COTL1: variants seen among roughly 807,000 people sequenced by gnomAD.
COTL1 encodes coactosin like F-actin binding protein 1.
Under a neutral mutation model 16.5 loss-of-function variants are expected in COTL1, and 15 were observed. The observed-to-expected ratio is 0.91, with a 90% CI of 0.61 to 1.40. The LOEUF (loss-of-function observed/expected upper bound fraction) is 1.40. COTL1 is among the 40% of genes most tolerant of loss of function. The pLI is 0.00. For missense variants in COTL1, 220 were observed against 201.5 expected (o/e 1.09, Z -0.56); for synonymous variants, 112 against 85.3 (o/e 1.31, Z -1.73).
chr16:84,596,686 C>G (rs78949715), intron 2 of COTL1: 12,418 of 152,648 alleles, frequency 0.081, 607 homozygotes, highest in East Asian at 0.18. Flanking sequence ...CCGCCTTCTA[C>G]TTTCTCCCCG....
rs2150687855 is a variant in COTL1, at chr16:84,590,313, T to C, written c.161-51A>G. 1 of 1,590,544 alleles carries C rather than the reference T, an allele frequency of 6.3e-7. No individual in the cohort carries two copies. Among genetic ancestry groups the C allele is most frequent in the Non-Finnish European group, 8.6e-7 (1 of 1,163,928 alleles). On this transcript the variant is annotated intron_variant, in intron 2 of 3. Coordinates refer to ENST00000262428, the MANE Select transcript of COTL1 (RefSeq NM_021149.5). This position sits in a 1 kb window ranked among gnomAD's most constrained non-coding sequence, Gnocchi z 5.5. ...ATGGTGCTGCGTTAAAACACCCCCA[T>C]GTCATGTCCCTGGGGAGAGGCTGTG...
Position 84,590,370 on chromosome 16 carries a change from G to A in COTL1, c.161-108C>T. ...GAGTGCGCCTGGAGCAGCACAGCAG[G>A]AGACCGGTGCAGTTCCCTGGGAGCA... On this transcript the variant is annotated intron_variant, in intron 2 of 3. Transcript: ENST00000262428. The surrounding 1 kb of genome is among the most constrained non-coding windows in gnomAD (Gnocchi z 5.5). 1 of 1,345,974 alleles carries A rather than the reference G, an allele frequency of 7.4e-7. No individual in the cohort carries two copies. Among genetic ancestry groups the A allele is most frequent in the Non-Finnish European group, 1.0e-6 (1 of 975,774 alleles). The allele number at this position is 1,345,974 out of a possible 1,614,324, so 83.4% of individuals were successfully genotyped here.
At chr16:84,603,097 C>G (rs1905133829) in intron 2 of COTL1, among the ~76,000 whole-genome samples, 2 of 152,176 alleles carry the variant, frequency 1.3e-5, no homozygotes, top group Admixed American at 1.3e-4. Context: ...GCGACTTCCC[C>G]TCTCTGCCCC....
At chr16:84,617,272 G>T (rs1248180211) in intron 2 of COTL1, among the ~76,000 whole-genome samples, 1 of 152,228 alleles carries the variant, frequency 6.6e-6, no homozygotes, top group African/African-American at 2.4e-5. Flanking sequence ...CCTGGAGAAG[G>T]CATTGTAGGA....
intron 3 of COTL1, among the ~76,000 whole-genome samples, chr16:84,571,044 T>C (rs1904327619): frequency 6.6e-6 from 1 of 151,858 alleles, no homozygotes; most frequent in Non-Finnish European, 1.5e-5. Context: ...ATGGCCATGC[T>C]CTAGGCCCCT....
intron 3 of COTL1, among the ~76,000 whole-genome samples, chr16:84,569,703 A>G (rs1904314686): frequency 1.3e-5 from 2 of 152,208 alleles, no homozygotes; most frequent in Non-Finnish European, 1.5e-5. Context: ...ACCCCACTAC[A>G]GTGTGTTACT....
At chr16:84,593,580 C>T (rs1904924487) in intron 2 of COTL1, among the ~76,000 whole-genome samples, 1 of 151,274 alleles carries the variant, frequency 6.6e-6, no homozygotes, top group African/African-American at 2.4e-5. Flanking sequence ...GGCGCGATCT[C>T]GGCTCACTGC....
chr16:84,601,745 C>T (rs191515562), intron 2 of COTL1, among the ~76,000 whole-genome samples: 170 of 152,344 alleles, frequency 1.1e-3, no homozygotes, highest in Non-Finnish European at 1.8e-3. Flanking sequence ...TAAGCCACCG[C>T]ACCCATCCTG....
At position 84,612,382 on chromosome 16, in the gene COTL1, T is replaced by C. The variant is rs144472836; in HGVS notation, c.160+5119A>G. ...GTGTCCACATGGGGCCAAATGCCTA[T>C]TGCATACCAGCCTGGGCCAGGTGCC... On this transcript the variant is annotated intron_variant, in intron 2 of 3. Coordinates refer to ENST00000262428, the MANE Select transcript of COTL1 (RefSeq NM_021149.5). 1.5e-3 allele frequency among the ~76,000 whole-genome samples: 233 copies of C among 152,330 alleles called. 2 individuals are homozygous for C. Among genetic ancestry groups the C allele is most frequent in the South Asian group, 8.7e-3 (42 of 4,824 alleles).
At chr16:84,610,405 C>G (rs916333226) in intron 2 of COTL1, among the ~76,000 whole-genome samples, 5 of 152,244 alleles carry the variant, frequency 3.3e-5, no homozygotes, top group Non-Finnish European at 7.3e-5. Context: ...CCACCAGGCT[C>G]TGTTCCTGAG....
At chr16:84,584,187 G>A (rs1010503925) in intron 3 of COTL1, among the ~76,000 whole-genome samples, 2 of 152,258 alleles carry the variant, frequency 1.3e-5, no homozygotes, top group Non-Finnish European at 2.9e-5. Context: ...CCAGCCGTGC[G>A]TGCTGTGCGT....
chr16:84,570,770 G>A (rs543094437), intron 3 of COTL1, among the ~76,000 whole-genome samples: 43 of 152,298 alleles, frequency 2.8e-4, no homozygotes, highest in African/African-American at 1.0e-3. Context: ...AGTACTTAGA[G>A]AGGTCTTAAA....
At chr16:84,609,254 C>T (rs964898228) in intron 2 of COTL1, among the ~76,000 whole-genome samples, 2 of 152,218 alleles carry the variant, frequency 1.3e-5, no homozygotes, top group Non-Finnish European at 2.9e-5. Context: ...TTGACTCCTT[C>T]GCATTCCAGC....
chr16:84,595,892 A>G (rs1346694937), intron 2 of COTL1: 1 of 151,828 alleles, frequency 6.6e-6, no homozygotes, highest in Non-Finnish European at 1.5e-5. Flanking sequence ...TGTGTGTTAT[A>G]TATACATGTA....
chr16:84,584,850 A>C (rs1266759906), intron 3 of COTL1, among the ~76,000 whole-genome samples: 1 of 152,184 alleles, frequency 6.6e-6, no homozygotes, highest in East Asian at 1.9e-4. Flanking sequence ...CCCTTACTTT[A>C]TACATCAGGT....
chr16:84,603,106 C>G (rs1173259331), intron 2 of COTL1, among the ~76,000 whole-genome samples: 1 of 152,156 alleles, frequency 6.6e-6, no homozygotes, highest in Non-Finnish European at 1.5e-5. Context: ...CCTCTCTGCC[C>G]CCCAGTTCCC....
chr16:84,589,627 C>A (rs567682666), intron 3 of COTL1, among the ~76,000 whole-genome samples: 1 of 152,242 alleles, frequency 6.6e-6, no homozygotes, highest in Admixed American at 6.5e-5. Context: ...CCCAAGTGAA[C>A]AACCTTGGAA....
At chr16:84,573,697 A>C (rs1904383702) in intron 3 of COTL1, among the ~76,000 whole-genome samples, 1 of 151,196 alleles carries the variant, frequency 6.6e-6, no homozygotes, top group Non-Finnish European at 1.5e-5. Flanking sequence ...CTTAGATCGC[A>C]CCATTGCACT....
intron 2 of COTL1, among the ~76,000 whole-genome samples, chr16:84,612,398 GC>G (rs1905350779): frequency 6.6e-6 from 1 of 152,186 alleles, no homozygotes; most frequent in African/African-American, 2.4e-5. Flanking sequence ...ACCAGCCTGG[GC>G]CAGGTGCCTA....
Sources: allele counts gnomAD v4.1 joint callset (sites outside exome capture counted in the v4.1 genomes callset), GRCh38; gene constraint gnomAD v4.1.1; non-coding constraint Gnocchi (gnomAD v3.1); transcripts MANE v1.5; gene names NCBI Gene and HGNC (gene_info 2026-07-23, HGNC 2026-07-21).